The following ADAMTSL1 variants were observed in gnomAD, a reference collection of about 807,000 sequenced individuals.
ADAMTSL1 encodes the protein ADAMTS like 1, also known as ADAMTS-like protein 1.
Under a neutral mutation model 201.8 loss-of-function variants are expected in ADAMTSL1, and 126 were observed. The observed-to-expected ratio is 0.62, with a 90% confidence interval of 0.54 to 0.72. The LOEUF is 0.72. ADAMTSL1 is among the 30% of genes least tolerant of loss of function. ADAMTSL1 has a pLI of 0.00. For synonymous variants in ADAMTSL1, 1,121 were observed against 903.4 expected (o/e 1.24, Z -4.32); for missense variants, 2,679 against 2,277.8 (o/e 1.18, Z -3.59).
chr9:18,649,121 G>A (rs10963702), intron 7 of ADAMTSL1, among the ~76,000 whole-genome samples: 71 of 151,842 alleles, frequency 4.7e-4, no homozygotes, highest in African/African-American at 1.0e-3. Flanking sequence ...TTCCTTTCTC[G>A]CTTCATTTCA....
At chr9:18,828,697 A>G (rs202183720) in intron 22 of ADAMTSL1, among the ~76,000 whole-genome samples, 905 of 42,104 alleles carry the variant, frequency 0.021, 54 homozygotes, top group East Asian at 0.069. Flanking sequence ...TATATATAAA[A>G]TGTGTGTGTG....
rs984816608 is a variant in ADAMTSL1, at chr9:18,176,125, A to G, written c.207+12144A>G. Among the ~76,000 whole-genome samples, 5 of 151,902 alleles carry G rather than the reference A, an allele frequency of 3.3e-5. No homozygotes were observed. In the East Asian group the frequency reaches 5.8e-4, roughly 18 times the overall value. ...GGAAATAAGTCTGTGGTCTTGTTTC[A>G]AGAATGTTGTCAATTTGTTGTAGCG... On this transcript the variant is annotated intron_variant, in intron 2 of 29. Coordinates refer to the ADAMTSL1 transcript ENST00000680146.
chr9:18,152,307 T>C (rs930376062), intron 1 of ADAMTSL1, among the ~76,000 whole-genome samples: 1 of 151,882 alleles, frequency 6.6e-6, no homozygotes. Flanking sequence ...GATGAGATTT[T>C]AGTAGAAGGA....
At chr9:18,103,463 A>G (rs1824622441) in intron 1 of ADAMTSL1, among the ~76,000 whole-genome samples, 1 of 152,180 alleles carries the variant, frequency 6.6e-6, no homozygotes, top group African/African-American at 2.4e-5. Context: ...TAAGGAAGAT[A>G]ATAAAGCCCA....
At chr9:18,276,855 T>G (rs1276573718) in intron 2 of ADAMTSL1, among the ~76,000 whole-genome samples, 4 of 152,154 alleles carry the variant, frequency 2.6e-5, no homozygotes, top group Non-Finnish European at 5.9e-5. Flanking sequence ...CCCAAACTCC[T>G]CTCACTAGGC....
chr9:18,701,867 T>C (rs1049185398), intron 13 of ADAMTSL1, among the ~76,000 whole-genome samples: 8 of 152,164 alleles, frequency 5.3e-5, no homozygotes, highest in African/African-American at 1.9e-4. Context: ...AGGAAAGTAA[T>C]AGGATAAAAG....
chr9:18,626,451 C>G (rs1411402076), intron 5 of ADAMTSL1, among the ~76,000 whole-genome samples: 1 of 152,138 alleles, frequency 6.6e-6, no homozygotes, highest in Non-Finnish European at 1.5e-5. Context: ...AAGAGAAAAG[C>G]AAGTGCAGAC....
At chr9:18,657,973 CTTTTTT>C (rs33924965) in intron 8 of ADAMTSL1, among the ~76,000 whole-genome samples, 1 of 126,338 alleles carries the variant, frequency 7.9e-6, no homozygotes, top group Non-Finnish European at 1.7e-5. Flanking sequence ...AGGAAACAGT[CTTTTTT>C]TTTTTTTTTT....
intron 3 of ADAMTSL1, among the ~76,000 whole-genome samples, chr9:18,543,644 GA>G (rs993875714): frequency 8.6e-5 from 13 of 151,636 alleles, no homozygotes; most frequent in Admixed American, 3.9e-4. Flanking sequence ...ATTACTCTGG[GA>G]AAAAAAATCC....
chr9:18,711,494 C>A (rs2779122), intron 14 of ADAMTSL1, among the ~76,000 whole-genome samples: 1 of 151,100 alleles, frequency 6.6e-6, no homozygotes, highest in Non-Finnish European at 1.5e-5. Context: ...CAGACGGCAC[C>A]TGGAAAATCG....
intron 1 of ADAMTSL1, among the ~76,000 whole-genome samples, chr9:17,921,667 C>T (rs7024438): frequency 0.014 from 2,200 of 152,174 alleles, 64 homozygotes; most frequent in African/African-American, 0.05. Context: ...GTAAATAAGA[C>T]ACTGGTCAGA....
chr9:18,434,133 A>G (rs919854125), intron 2 of ADAMTSL1, among the ~76,000 whole-genome samples: 5 of 152,214 alleles, frequency 3.3e-5, no homozygotes, highest in African/African-American at 1.2e-4. Context: ...ATACATGTGT[A>G]TATTTAGCCC....
chr9:18,585,692 G>A (rs1244429942), intron 4 of ADAMTSL1, among the ~76,000 whole-genome samples: 2 of 152,114 alleles, frequency 1.3e-5, no homozygotes, highest in South Asian at 4.1e-4. Flanking sequence ...GAATATTGAT[G>A]CAAAGATCCT....
chr9:18,729,393 G>C (rs770614809), intron 15 of ADAMTSL1, among the ~76,000 whole-genome samples: 5 of 152,160 alleles, frequency 3.3e-5, no homozygotes, highest in African/African-American at 4.8e-5. Flanking sequence ...ACAGGAACTG[G>C]CTTTAACTAT....
intron 20 of ADAMTSL1, among the ~76,000 whole-genome samples, chr9:18,800,534 G>C (rs1035238537): frequency 4.5e-4 from 69 of 152,016 alleles, no homozygotes; most frequent in Non-Finnish European, 3.5e-4. Context: ...GTTTTTCTCA[G>C]TAAGTACAGA....
chr9:18,644,409 T>A, intron 7 of ADAMTSL1, among the ~76,000 whole-genome samples: 1 of 152,112 alleles, frequency 6.6e-6, no homozygotes, highest in East Asian at 1.9e-4. Context: ...TATTATACTT[T>A]AAGTTTTAGG....
intron 1 of ADAMTSL1, among the ~76,000 whole-genome samples, chr9:18,066,017 A>G (rs1822683733): frequency 6.8e-6 from 1 of 147,976 alleles, no homozygotes; most frequent in Non-Finnish European, 1.5e-5. Context: ...AAAAAAAAGA[A>G]TGGCACCACC....
intron 20 of ADAMTSL1, among the ~76,000 whole-genome samples, chr9:18,802,951 T>C (rs1269439553): frequency 6.6e-6 from 1 of 152,222 alleles, no homozygotes; most frequent in Non-Finnish European, 1.5e-5. Context: ...ATTTTAATAT[T>C]GACTAATGAT....
chr9:18,001,882 T>G (rs1819624721), intron 1 of ADAMTSL1, among the ~76,000 whole-genome samples: 1 of 151,786 alleles, frequency 6.6e-6, no homozygotes, highest in Non-Finnish European at 1.5e-5. Flanking sequence ...AAGTTTGAGT[T>G]GAGCAGAGCA....
Sources: allele counts gnomAD v4.1 joint callset (sites outside exome capture counted in the v4.1 genomes callset), GRCh38; gene constraint gnomAD v4.1.1; transcripts MANE v1.5; gene names NCBI Gene and HGNC (gene_info 2026-07-23, HGNC 2026-07-21).